Variants in GPC5 observed in about 807,000 individuals in gnomAD.
The protein encoded by GPC5 is glypican-5.
A neutral mutation model predicts 53.9 loss-of-function variants in GPC5; 47 were observed. The ratio of observed to expected loss-of-function variants is 0.87; its 90% CI spans 0.69 to 1.11. The LOEUF (loss-of-function observed/expected upper bound fraction) is 1.11. Ranked by LOEUF, GPC5 falls within the 50% of genes most tolerant of loss-of-function variation. The pLI is 0.00. For missense variants in GPC5, 748 were observed against 713.1 expected, an observed-to-expected ratio of 1.05 and a Z score of -0.56; for synonymous variants, 286 against 263.3, an observed-to-expected ratio of 1.09 and a Z score of -0.84.
chr13:92,349,459 T>C lies in GPC5; in HGVS notation c.1561+204470T>C, dbSNP rs952085616. ...GCACCCAGCCAGGTTTTTTCTTTTT[T>C]TTTTTTTTAATTAATTTATTTTTAA... On this transcript the variant is annotated intron_variant, in intron 7 of 7. Coordinates refer to ENST00000377067, the MANE Select transcript of GPC5 (RefSeq NM_004466.6). Among the ~76,000 whole-genome samples the C allele has an allele frequency of 4.6e-5, 7 of 151,520 alleles. 1 individual carries two copies. Among genetic ancestry groups the C allele is most frequent in the South Asian group, 4.1e-4 (2 of 4,820 alleles).
At chr13:92,714,775 AG>A (rs1484344818) in intron 7 of GPC5, among the ~76,000 whole-genome samples, 1 of 152,206 alleles carries the variant, frequency 6.6e-6, no homozygotes, top group Non-Finnish European at 1.5e-5. Flanking sequence ...CATAATAAAA[AG>A]AATTGCTTAG....
At chr13:92,444,648 G>A (rs1877717109) in intron 7 of GPC5, among the ~76,000 whole-genome samples, 1 of 143,632 alleles carries the variant, frequency 7.0e-6, no homozygotes. Flanking sequence ...ACCTAGGAGA[G>A]TAATAATAGG....
chr13:91,761,303 T>C (rs1182688106), intron 5 of GPC5, among the ~76,000 whole-genome samples: 1 of 152,174 alleles, frequency 6.6e-6, no homozygotes, highest in Non-Finnish European at 1.5e-5. Flanking sequence ...ACCATGTTTT[T>C]CCTCTGCTTT....
chr13:91,486,428 T>C (rs978043119), intron 2 of GPC5: 27 of 152,250 alleles, frequency 1.8e-4, no homozygotes, highest in African/African-American at 6.5e-4. Context: ...TAGTTTCAAC[T>C]GTGTTAAACC....
chr13:92,152,085 G>GA (rs751058484), intron 7 of GPC5, among the ~76,000 whole-genome samples: 2 of 151,980 alleles, frequency 1.3e-5, no homozygotes, highest in Non-Finnish European at 2.9e-5. Context: ...TAAATTACTT[G>GA]AAAAAAATAT....
chr13:91,404,140 T>C (rs990780057), intron 1 of GPC5, among the ~76,000 whole-genome samples: 4 of 152,234 alleles, frequency 2.6e-5, no homozygotes, highest in Non-Finnish European at 5.9e-5. Flanking sequence ...GGTGTGTACA[T>C]GTATGTGTGT....
chr13:91,637,338 G>C (rs549062048), intron 2 of GPC5, among the ~76,000 whole-genome samples: 2 of 152,324 alleles, frequency 1.3e-5, no homozygotes, highest in Non-Finnish European at 2.9e-5. Context: ...CCCTAAAAGA[G>C]TGAGGGATAA....
At chr13:92,758,922 G>T (rs1050381634) in intron 7 of GPC5, among the ~76,000 whole-genome samples, 1 of 149,754 alleles carries the variant, frequency 6.7e-6, no homozygotes, top group Non-Finnish European at 1.5e-5. Context: ...GTAAAAGAAG[G>T]GTCCAATTTC....
chr13:92,381,887 T>TGA, intron 7 of GPC5, among the ~76,000 whole-genome samples: 1 of 91,134 alleles, frequency 1.1e-5, no homozygotes, highest in South Asian at 3.0e-4. Flanking sequence ...TGATTATATA[T>TGA]ATTATATATA....
chr13:92,542,221 A>G (rs982739111), intron 7 of GPC5, among the ~76,000 whole-genome samples: 4 of 151,966 alleles, frequency 2.6e-5, no homozygotes, highest in South Asian at 4.1e-4. Flanking sequence ...CTATTTGAAA[A>G]TATACTAAGT....
intron 2 of GPC5, among the ~76,000 whole-genome samples, chr13:91,499,976 T>G (rs1032412314): frequency 1.1e-4 from 16 of 152,204 alleles, no homozygotes; most frequent in African/African-American, 3.4e-4. Context: ...GGAGTCCTTT[T>G]TGTGTTTCAT....
intron 2 of GPC5, among the ~76,000 whole-genome samples, chr13:91,600,914 A>G (rs1712321755): frequency 1.3e-5 from 2 of 152,174 alleles, no homozygotes; most frequent in South Asian, 4.1e-4. Flanking sequence ...CAGTCAACTA[A>G]TTGGGAAATA....
chr13:92,327,468 C>T (rs1229151926), intron 7 of GPC5, among the ~76,000 whole-genome samples: 1 of 152,114 alleles, frequency 6.6e-6, no homozygotes, highest in Non-Finnish European at 1.5e-5. Flanking sequence ...ACCTGATAAT[C>T]AGTACTCAAC....
chr13:92,613,213 A>T (rs1159020134), intron 7 of GPC5, among the ~76,000 whole-genome samples: 1 of 139,546 alleles, frequency 7.2e-6, no homozygotes, highest in Admixed American at 8.0e-5. Flanking sequence ...AGTATAGAAA[A>T]AATAGCAAGA....
chr13:91,805,782 T>C (rs2038209878), intron 5 of GPC5, among the ~76,000 whole-genome samples: 2 of 152,154 alleles, frequency 1.3e-5, no homozygotes, highest in Admixed American at 1.3e-4. Flanking sequence ...GCAATTAAAC[T>C]AAGTCATTTA....
intron 6 of GPC5, among the ~76,000 whole-genome samples, chr13:92,100,917 G>A (rs1418938408): frequency 6.6e-6 from 1 of 152,174 alleles, no homozygotes; most frequent in Non-Finnish European, 1.5e-5. Flanking sequence ...ACAGTCACAT[G>A]TATCATATCT....
intron 2 of GPC5, among the ~76,000 whole-genome samples, chr13:91,545,622 A>T (rs922989945): frequency 1.1e-4 from 16 of 152,158 alleles, no homozygotes; most frequent in Non-Finnish European, 2.2e-4. Context: ...CTGTAGGTAC[A>T]GTGATGTACA....
At chr13:91,718,173 C>T (rs2036384045) in intron 3 of GPC5, among the ~76,000 whole-genome samples, 1 of 151,756 alleles carries the variant, frequency 6.6e-6, no homozygotes, top group Admixed American at 6.6e-5. Flanking sequence ...TGCAGTGGCG[C>T]GATCTCGGCT....
chr13:91,504,420 A>G (rs1453027706), intron 2 of GPC5, among the ~76,000 whole-genome samples: 3 of 152,122 alleles, frequency 2.0e-5, no homozygotes, highest in South Asian at 2.1e-4. Context: ...GGATAAATAT[A>G]TTGAAGTTAT....
Sources: allele counts gnomAD v4.1 joint callset (sites outside exome capture counted in the v4.1 genomes callset), GRCh38; gene constraint gnomAD v4.1.1; transcripts MANE v1.5; gene names NCBI Gene and HGNC (gene_info 2026-07-23, HGNC 2026-07-21).